The following C14orf132 variants were observed in gnomAD, a reference collection of about 807,000 sequenced individuals.
C14orf132 encodes the protein uncharacterized protein C14orf132.
Under a neutral mutation model 5.8 loss-of-function variants are expected in C14orf132, and 6 were observed. That is an observed-to-expected ratio of 1.03 (90% CI 0.57 to 2.04). The LOEUF is 2.04. C14orf132 is among the 30% of genes most tolerant of loss of function. The pLI, the probability that C14orf132 is intolerant of heterozygous loss-of-function variation, is 0.00. For synonymous variants in C14orf132, 51 were observed against 49.8 expected (o/e 1.02, Z -0.10); for missense variants, 125 against 115.8 (o/e 1.08, Z -0.37).
intron 1 of C14orf132, among the ~76,000 whole-genome samples, chr14:96,064,448 A>G (rs1255177736): frequency 6.6e-6 from 1 of 150,878 alleles, no homozygotes; most frequent in Non-Finnish European, 1.5e-5. Context: ...GTGTATATAT[A>G]TGTGTATATG....
At position 96,093,389 on chromosome 14, in the gene C14orf132, A is replaced by G. The variant is rs925559411; in HGVS notation, c.*6654A>G. 1 of 152,250 alleles carries G rather than the reference A, an allele frequency of 6.6e-6. No individual in the cohort carries two copies. Among genetic ancestry groups the G allele is most frequent in the African/African-American group, 2.4e-5 (1 of 41,464 alleles). 9.4% of individuals were successfully genotyped at this position (152,250 alleles called of 1,614,324 possible). A position where few individuals can be genotyped will look rare whatever the true frequency, so the allele number is the denominator to read the frequency against. On this transcript the variant is annotated 3_prime_UTR_variant, in exon 2 of 2. Transcript: ENST00000555004. ...GGAAGAGCTTAGGAATGGGGTGGGC[A>G]TGGGAGTGCTGGGTAGCAGCCTTTG...
rs77447486 is a variant in C14orf132 at position 96,070,596 on chromosome 14, TCACACACACACACACACA to T, written c.28-15895_28-15878del. On this transcript the variant is annotated intron_variant, in intron 1 of 1. Coordinates refer to ENST00000555004, the MANE Select transcript of C14orf132 (RefSeq NM_001252507.3). ...GGTAGATGAAGTCTCTCTCTCTCTC[TCACACACACACACACACA>T]CACACACACACACACACACTGCACT... is the stretch of plus-strand genomic sequence containing the variant. 2.2e-3 allele frequency among the ~76,000 whole-genome samples: 318 copies of T among 142,666 alleles called. 2 individuals carry two copies. Among genetic ancestry groups the T allele is most frequent in the African/African-American group, 7.1e-3 (273 of 38,500 alleles). The allele number at this position is 142,666 out of a possible 152,430, so 93.6% of individuals were successfully genotyped here. A position where few individuals can be genotyped will look rare whatever the true frequency, so the allele number is the denominator to read the frequency against.
rs1411025977 is a variant in C14orf132 at position 96,039,541 on chromosome 14, C to G, written c.27+14C>G. 2 of 1,499,910 alleles carry G rather than the reference C, an allele frequency of 1.3e-6. No individual in the cohort carries two copies. Among genetic ancestry groups the G allele is most frequent in the South Asian group, 2.5e-5 (2 of 80,372 alleles). 92.9% of individuals were successfully genotyped at this position (1,499,910 alleles called of 1,614,324 possible). On this transcript the variant is annotated intron_variant, in intron 1 of 1. Coordinates refer to ENST00000555004, the MANE Select transcript of C14orf132 (RefSeq NM_001252507.3). This position sits in a 1 kb window ranked among gnomAD's most constrained non-coding sequence, Gnocchi z 5.3. Reference sequence around the variant, plus strand: ...ATGGCCGCGCAGGTAACGGGGCGTCCCCCCCACGCGCCCCGGGCCGCCAAG... The same window carrying G: ...ATGGCCGCGCAGGTAACGGGGCGTCGCCCCCACGCGCCCCGGGCCGCCAAG...
In C14orf132 at chr14:96,092,062, T is replaced by G. The variant is rs762467701; in HGVS notation, c.*5327T>G. On this transcript the variant is annotated 3_prime_UTR_variant, in exon 2 of 2. Transcript: ENST00000555004. ...AAAACAGTTACTGCCAGAAGCAGAA[T>G]GGAAGAGCCAAAAAGTACACAAAAT... 1.3e-5 allele frequency: 2 copies of G among 152,196 alleles called. No homozygotes were observed. Among genetic ancestry groups the G allele is most frequent in the African/African-American group, 2.4e-5 (1 of 41,428 alleles). 9.4% of individuals were successfully genotyped at this position (152,196 alleles called of 1,614,324 possible).
At chr14:96,062,825 C>A (rs922340074) in intron 1 of C14orf132, among the ~76,000 whole-genome samples, 3 of 152,180 alleles carry the variant, frequency 2.0e-5, no homozygotes, top group African/African-American at 7.2e-5. Context: ...CCCTTACATA[C>A]TCTCAGGATG....
At position 96,052,437 on chromosome 14, in the gene C14orf132, C is replaced by T. The variant is rs566065707; in HGVS notation, c.27+12910C>T. On this transcript the variant is annotated intron_variant, in intron 1 of 1. Transcript: ENST00000555004. The stretch of plus-strand genomic sequence containing the variant: ...TGCCCCTGCAGCTCCAAGCAGCTCA[C>T]CATCAGGGCATCCCTCCCTTCCGAG... Among the ~76,000 whole-genome samples, 244 of 152,354 alleles carry T rather than the reference C, an allele frequency of 1.6e-3. 2 individuals are homozygous for T. Among genetic ancestry groups the T allele is most frequent in the African/African-American group, 5.6e-3 (233 of 41,584 alleles).
At chr14:96,074,384 C>T (rs1284920522) in intron 1 of C14orf132, among the ~76,000 whole-genome samples, 1 of 152,090 alleles carries the variant, frequency 6.6e-6, no homozygotes, top group African/African-American at 2.4e-5. Flanking sequence ...ATCCAGTTTG[C>T]AGTGTTTTCT....
chr14:96,065,568 C>A (rs1325874278), intron 1 of C14orf132, among the ~76,000 whole-genome samples: 1 of 151,938 alleles, frequency 6.6e-6, no homozygotes, highest in Admixed American at 6.6e-5. Context: ...CATCACCCCC[C>A]ACCACTTTCC....
Position 96,039,616 on chromosome 14 carries a change from A to G in C14orf132, c.27+89A>G. On this transcript the variant is annotated intron_variant, in intron 1 of 1. Coordinates refer to ENST00000555004, the MANE Select transcript of C14orf132 (RefSeq NM_001252507.3). The surrounding 1 kb of genome is among the most constrained non-coding windows in gnomAD (Gnocchi z 5.3). ...CTCGCCCTCCACGCTGGGGCTGGGCAGTGGCGCCCGCCCGCGATCCGCGTC... is the reference window on the plus strand; with the variant it reads ...CTCGCCCTCCACGCTGGGGCTGGGCGGTGGCGCCCGCCCGCGATCCGCGTC... The G allele has an allele frequency of 7.8e-7, 1 of 1,279,832 alleles. No individual in the cohort carries two copies. The highest frequency in any genetic ancestry group is 1.0e-6 in the Non-Finnish European group (1 of 974,788). 79.3% of individuals were successfully genotyped at this position (1,279,832 alleles called of 1,614,324 possible).
intron 1 of C14orf132, among the ~76,000 whole-genome samples, chr14:96,064,361 TATAC>T (rs1437495899): frequency 4.1e-5 from 4 of 97,868 alleles, no homozygotes; most frequent in Middle Eastern, 4.8e-3. Context: ...AGGGTGCATA[TATAC>T]ACACACACAC....
rs1482011533 is a variant in C14orf132, at chr14:96,090,620, A to G, written c.*3885A>G. On this transcript the variant is annotated 3_prime_UTR_variant, in exon 2 of 2. Coordinates refer to ENST00000555004, the MANE Select transcript of C14orf132 (RefSeq NM_001252507.3). ...CCATGAAATCAAGGTCAAGAGGCAA[A>G]TAAGACTCCCTGCTCCACTCTACCC... The G allele has an allele frequency of 2.2e-6, 1 of 455,892 alleles. No individual in the cohort carries two copies. The highest frequency in any genetic ancestry group is 2.3e-5 in the Admixed American group (1 of 42,554). 28.2% of individuals were successfully genotyped at this position (455,892 alleles called of 1,614,324 possible). A position where few individuals can be genotyped will look rare whatever the true frequency, so the allele number is the denominator to read the frequency against.
In C14orf132 at chr14:96,090,401, A is replaced by AG. The variant is rs1008406444; in HGVS notation, c.*3666_*3667insG. On this transcript the variant is annotated 3_prime_UTR_variant, in exon 2 of 2. Transcript: ENST00000555004. ...ACGAGACTCTGTCTCAAAAAAAAAA[A>AG]AAAAGAAAAGAAAAAAAAAAAGAGC... is the stretch of plus-strand genomic sequence containing the variant. The AG allele has an allele frequency of 6.1e-5, 18 of 295,386 alleles. No homozygotes were observed. Among genetic ancestry groups the AG allele is most frequent in the Non-Finnish European group, 1.1e-4 (17 of 152,042 alleles). The allele number at this position is 295,386 out of a possible 1,614,324, so 18.3% of individuals were successfully genotyped here.
chr14:96,064,361 T>TACACACACACACACACAC (rs755164695), intron 1 of C14orf132, among the ~76,000 whole-genome samples: 2 of 97,836 alleles, frequency 2.0e-5, no homozygotes, highest in Non-Finnish European at 3.8e-5. Flanking sequence ...AGGGTGCATA[T>TACACACACACACACACAC]ATACACACAC....
At chr14:96,044,987 C>T (rs920032042) in intron 1 of C14orf132, among the ~76,000 whole-genome samples, 3 of 152,172 alleles carry the variant, frequency 2.0e-5, no homozygotes, top group South Asian at 2.1e-4. Flanking sequence ...TCTGAAGACC[C>T]GTAAAGGATA....
At chr14:96,078,674 A>G (rs191499163) in intron 1 of C14orf132, among the ~76,000 whole-genome samples, 6 of 152,322 alleles carry the variant, frequency 3.9e-5, no homozygotes, top group African/African-American at 1.2e-4. Flanking sequence ...GAAGTGGCCC[A>G]GTCCAGCAGG....
At chr14:96,053,917 T>C (rs1887105070) in intron 1 of C14orf132, among the ~76,000 whole-genome samples, 1 of 152,186 alleles carries the variant, frequency 6.6e-6, no homozygotes, top group Non-Finnish European at 1.5e-5. Context: ...TCTCTCTCTT[T>C]ACCCATCTGT....
chr14:96,049,628 A>G lies in C14orf132; in HGVS notation c.27+10101A>G, dbSNP rs529672231. 2.8e-3 allele frequency among the ~76,000 whole-genome samples: 254 copies of G among 90,838 alleles called. 12 individuals are homozygous for G. The highest frequency in any genetic ancestry group is 0.011 in the Middle Eastern group (2 of 190). 59.6% of individuals were successfully genotyped at this position (90,838 alleles called of 152,430 possible). ...TATATATACATATATACGTATATAT[A>G]TACATATATACGTATATATATATAT... On this transcript the variant is annotated intron_variant, in intron 1 of 1. Coordinates refer to ENST00000555004, the MANE Select transcript of C14orf132 (RefSeq NM_001252507.3).
Position 96,058,682 on chromosome 14 carries a change from C to T in C14orf132, c.27+19155C>T, listed in dbSNP as rs529258416. On this transcript the variant is annotated intron_variant, in intron 1 of 1. Transcript: ENST00000555004. ...TGTGCCCTCAAGCAGAAAGCAGCAGCCACCTGGGCTCATGGATCAGACAGG... is the reference window on the plus strand; with the variant it reads ...TGTGCCCTCAAGCAGAAAGCAGCAGTCACCTGGGCTCATGGATCAGACAGG... Among the ~76,000 whole-genome samples, 73 of 152,346 alleles carry T rather than the reference C, an allele frequency of 4.8e-4. 1 individual carries two copies. The highest frequency in any genetic ancestry group is 2.3e-3 in the South Asian group (11 of 4,824).
chr14:96,041,097 C>T (rs1404055578), intron 1 of C14orf132, among the ~76,000 whole-genome samples: 2 of 152,146 alleles, frequency 1.3e-5, no homozygotes, highest in Middle Eastern at 3.2e-3. Context: ...TTTTTGTTTA[C>T]AATTCACATT....
Sources: gnomAD v4.1 joint callset for allele counts (sites outside exome capture counted in the v4.1 genomes callset) on GRCh38, gnomAD v4.1.1 for gene constraint, Gnocchi (gnomAD v3.1) non-coding constraint, MANE v1.5 for transcripts, NCBI Gene and HGNC (gene_info 2026-07-23, HGNC 2026-07-21) for gene names.